The following ZNF79 variants were observed in gnomAD, a reference collection of about 807,000 sequenced individuals.
The protein encoded by ZNF79 is ZNFpT7.
A neutral mutation model predicts 14.9 loss-of-function variants in ZNF79; 13 were observed. The observed-to-expected ratio is 0.87, with a 90% CI of 0.57 to 1.38. The LOEUF (loss-of-function observed/expected upper bound fraction) is 1.38, where lower values mean the gene tolerates loss of function less well. ZNF79 is among the 40% of genes most tolerant of loss of function. The probability of loss-of-function intolerance (pLI) is 0.00; values close to 1 mark genes in which losing one functional copy is unlikely to be tolerated. For synonymous variants in ZNF79, 223 were observed against 235.1 expected (o/e 0.95, Z 0.47); for missense variants, 631 against 630.6 (o/e 1.00, Z -0.01).
chr9:127,426,368 G>A (rs915915742), intron 1 of ZNF79, among the ~76,000 whole-genome samples: 11 of 141,034 alleles, frequency 7.8e-5, no homozygotes, highest in Non-Finnish European at 1.7e-4. Flanking sequence ...CTCATAATAT[G>A]TGACTTTTTT....
In ZNF79 at chr9:127,444,625, G is replaced by A; in HGVS notation, c.925G>A (p.Asp309Asn). Reference protein sequence around the residue: ...HTGEKPYECSDCGKAFRHSAN... With the variant: ...HTGEKPYECSNCGKAFRHSAN... ...CGGAGAGAAGCCCTACGAATGCAGC[G>A]ACTGTGGGAAGGCCTTCCGTCACAG... Residue 309 changes from aspartate to asparagine, a missense_variant, in exon 5 of 5, where the codon GAC becomes AAC. Physicochemically the swap from Asp to Asn is conservative, Grantham distance 23. Transcript: ENST00000342483. 5.0e-6 allele frequency: 8 copies of A among 1,614,128 alleles called. No individual in the cohort carries two copies. The highest frequency in any genetic ancestry group is 6.8e-6 in the Non-Finnish European group (8 of 1,180,032).
chr9:127,434,659 C>T lies in ZNF79; in HGVS notation c.106-431C>T, dbSNP rs183019064. On this transcript the variant is annotated intron_variant, in intron 2 of 4. Coordinates refer to ENST00000342483, the MANE Select transcript of ZNF79 (RefSeq NM_007135.3). ...GCTGGTGATCAATAAATGCTTTCTC[C>T]GTTTTTTGAGACAGAGTCTTGCCGT... is the stretch of plus-strand genomic sequence containing the variant. 1.1e-4 allele frequency among the ~76,000 whole-genome samples: 16 copies of T among 152,198 alleles called. 1 individual carries two copies. The highest frequency in any genetic ancestry group is 8.5e-4 in the Admixed American group (13 of 15,282).
chr9:127,428,903 C>A lies in ZNF79; in HGVS notation c.88C>A (p.Leu30Ile). Reference protein sequence around the residue: ...TGEEGMAAGLLTAGPRGSTFF... With the variant: ...TGEEGMAAGLITAGPRGSTFF... Reference sequence around the variant, plus strand: ...AGAGGAAGGAATGGCTGCTGGTCTCCTCACAGCTGGGCCCCGGGTAAGTTG... The same window carrying A: ...AGAGGAAGGAATGGCTGCTGGTCTCATCACAGCTGGGCCCCGGGTAAGTTG... Residue 30 changes from leucine to isoleucine, a missense_variant, in exon 2 of 5, where the codon CTC becomes ATC. Transcript: ENST00000342483. 6.2e-7 allele frequency: 1 copy of A among 1,600,852 alleles called. No individual in the cohort carries two copies.
chr9:127,434,456 T>G (rs1490996642), intron 2 of ZNF79, among the ~76,000 whole-genome samples: 1 of 152,232 alleles, frequency 6.6e-6, no homozygotes, highest in Non-Finnish European at 1.5e-5. Context: ...CTAATTTCGC[T>G]CTTTCTATAT....
intron 2 of ZNF79, among the ~76,000 whole-genome samples, chr9:127,429,304 C>T (rs1393525550): frequency 6.6e-6 from 1 of 151,820 alleles, no homozygotes; most frequent in Non-Finnish European, 1.5e-5. Context: ...GTGTGAGCCA[C>T]TGTGGTTGGC....
intron 1 of ZNF79, chr9:127,425,026 T>G: frequency 8.1e-7 from 1 of 1,236,724 alleles, no homozygotes; most frequent in African/African-American, 1.5e-5. Flanking sequence ...TCAAAAAAGT[T>G]TGAGGACCTC....
rs890149781 is a variant in ZNF79, at chr9:127,444,322, C to T, written c.622C>T (p.Leu208Phe). ...CGKAFSYCSSLSQHQKSHTGE... is the reference protein window; with the variant it reads ...CGKAFSYCSSFSQHQKSHTGE... Reference sequence around the variant, plus strand: ...CAAAGCCTTCAGTTACTGTTCTTCCCTTTCTCAGCATCAGAAGAGCCACAC... The same window carrying T: ...CAAAGCCTTCAGTTACTGTTCTTCCTTTTCTCAGCATCAGAAGAGCCACAC... The change falls in exon 5 of 5, where the codon CTT (leucine) becomes TTT (phenylalanine). Residue 208 changes from leucine (L) to phenylalanine (F), a missense_variant. By Grantham distance (22) the Leu-to-Phe change is conservative. Coordinates refer to ENST00000342483, the MANE Select transcript of ZNF79 (RefSeq NM_007135.3). 1 of 1,614,200 alleles carries T rather than the reference C, an allele frequency of 6.2e-7. No homozygotes were observed. Among genetic ancestry groups the T allele is most frequent in the South Asian group, 1.1e-5 (1 of 91,088 alleles).
In ZNF79 at chr9:127,424,782, A is replaced by T; in HGVS notation, c.-6A>T. The T allele has an allele frequency of 6.2e-7, 1 of 1,613,748 alleles. No individual in the cohort carries two copies. The highest frequency in any genetic ancestry group is 2.2e-5 in the East Asian group (1 of 44,864). ...CTGGGAGGCTGTGGCGCGAGGCGGG[A>T]CTCAAATGCTGGAGGAAGGAGGTGA... is the stretch of plus-strand genomic sequence containing the variant. On this transcript the variant is annotated 5_prime_UTR_variant, in exon 1 of 5. Coordinates refer to ENST00000342483, the MANE Select transcript of ZNF79 (RefSeq NM_007135.3).
chr9:127,444,307 A>C lies in ZNF79; in HGVS notation c.607A>C (p.Ser203Arg), dbSNP rs773598360. ...YACNECGKAF[S>R]YCSSLSQHQK... ...ATGTAATGAATGTGGCAAAGCCTTC[A>C]GTTACTGTTCTTCCCTTTCTCAGCA... The change falls in exon 5 of 5, where the codon AGT becomes CGT. Residue 203 changes from serine (S) to arginine (R), a missense_variant. Physicochemically the swap from Ser to Arg is moderately radical, Grantham distance 110 (BLOSUM62 -1). Coordinates refer to ENST00000342483, the MANE Select transcript of ZNF79 (RefSeq NM_007135.3). The C allele has an allele frequency of 2.5e-6, 4 of 1,614,238 alleles. No homozygotes were observed. The African/African-American group carries it at 4.0e-5, about 16-fold the overall frequency.
At chr9:127,440,717 G>A (rs890198258) in intron 4 of ZNF79, among the ~76,000 whole-genome samples, 2 of 152,174 alleles carry the variant, frequency 1.3e-5, no homozygotes, top group African/African-American at 2.4e-5. Context: ...GTTAGGAGGC[G>A]GCTCTTGCAG....
Position 127,445,010 on chromosome 9 carries a change from TA to T in ZNF79, c.1312del (p.Ile438SerfsTer33). On this transcript the variant is annotated frameshift_variant, in exon 5 of 5. Transcript: ENST00000342483. LOFTEE classifies it high-confidence loss of function. Reference protein sequence around the residue: ...SESSALIRHHIIHTGEKPYEC... With the variant: ...SESSALIRHHXIHTGEKPYEC... ...AGCTCAGCCCTCATTCGGCATCATA[TA>T]ATCCACACCGGAGAAAAACCTTATG... 1.9e-6 allele frequency: 3 copies of T among 1,614,134 alleles called. No individual in the cohort carries two copies. Among genetic ancestry groups the T allele is most frequent in the Non-Finnish European group, 2.5e-6 (3 of 1,180,022 alleles).
intron 4 of ZNF79, among the ~76,000 whole-genome samples, chr9:127,437,172 CTTTG>C (rs2131955267): frequency 6.6e-6 from 1 of 152,032 alleles, no homozygotes; most frequent in Non-Finnish European, 1.5e-5. Context: ...CTGGAGCATT[CTTTG>C]CATGGTTCCC....
chr9:127,439,773 G>A (rs1834018270), intron 4 of ZNF79, among the ~76,000 whole-genome samples: 1 of 152,200 alleles, frequency 6.6e-6, no homozygotes. Flanking sequence ...GCTGCCATGG[G>A]TAATATGTAT....
At chr9:127,436,034 T>C (rs773118393) in intron 4 of ZNF79, 31 bp downstream of exon 4, 2 of 1,599,564 alleles carry the variant, frequency 1.3e-6, no homozygotes, top group East Asian at 2.2e-5. Context: ...CCAGTGGGAG[T>C]CTTGGGAGCA....
chr9:127,425,465 C>T (rs1833733650), intron 1 of ZNF79, among the ~76,000 whole-genome samples: 1 of 152,104 alleles, frequency 6.6e-6, no homozygotes, highest in African/African-American at 2.4e-5. Flanking sequence ...AAGTCTTAAC[C>T]ACCAACACCT....
At chr9:127,441,990 G>T (rs1834057518) in intron 4 of ZNF79, among the ~76,000 whole-genome samples, 1 of 152,114 alleles carries the variant, frequency 6.6e-6, no homozygotes, top group Non-Finnish European at 1.5e-5. Context: ...GGTGGCGCAT[G>T]CCTGTAATCC....
intron 3 of ZNF79, 122 bp from the exon 4 acceptor site, chr9:127,435,786 A>G (rs1223049265): frequency 7.8e-6 from 6 of 773,636 alleles, no homozygotes; most frequent in Non-Finnish European, 1.1e-5. Context: ...TAAGAGCTCA[A>G]TAAGGATTTG....
At chr9:127,432,880 T>C (rs948962356) in intron 2 of ZNF79, among the ~76,000 whole-genome samples, 1 of 152,264 alleles carries the variant, frequency 6.6e-6, no homozygotes, top group African/African-American at 2.4e-5. Flanking sequence ...ATGACATTTA[T>C]ATCTTTATAA....
chr9:127,439,214 A>C (rs1182196445), intron 4 of ZNF79, among the ~76,000 whole-genome samples: 1 of 152,108 alleles, frequency 6.6e-6, no homozygotes, highest in Non-Finnish European at 1.5e-5. Context: ...CAACGCGCAC[A>C]CACACACATA....
Sources: gnomAD v4.1 joint callset for allele counts (sites outside exome capture counted in the v4.1 genomes callset) on GRCh38, gnomAD v4.1.1 for gene constraint, MANE v1.5 for transcripts, NCBI Gene and HGNC (gene_info 2026-07-23, HGNC 2026-07-21) for gene names.